BBS9: variants seen among roughly 807,000 people sequenced by gnomAD.
The protein encoded by BBS9 is protein PTHB1.
Under a neutral mutation model 117.7 loss-of-function variants are expected in BBS9, and 89 were observed. The ratio of observed to expected loss-of-function variants is 0.76; its 90% CI spans 0.64 to 0.90. The LOEUF (loss-of-function observed/expected upper bound fraction) is 0.90, where lower values mean the gene tolerates loss of function less well. BBS9 is among the 40% of genes least tolerant of loss of function. The pLI, the probability that BBS9 is intolerant of heterozygous loss-of-function variation, is 0.00. For synonymous variants in BBS9, 379 were observed against 370.9 expected, an observed-to-expected ratio of 1.02 and a Z score of -0.25; for missense variants, 982 against 1,042.2, an observed-to-expected ratio of 0.94 and a Z score of 0.80.
chr7:33,408,797 A>T (rs771984844), intron 19 of BBS9, among the ~76,000 whole-genome samples: 2 of 152,238 alleles, frequency 1.3e-5, no homozygotes, highest in Non-Finnish European at 2.9e-5. Flanking sequence ...ACTGCTCCCC[A>T]CAGTGGATGA....
intron 18 of BBS9, among the ~76,000 whole-genome samples, chr7:33,386,903 G>A (rs1022719170): frequency 2.0e-5 from 3 of 152,068 alleles, no homozygotes; most frequent in Non-Finnish European, 4.4e-5. Flanking sequence ...AGTGTTTGGT[G>A]TCCAGTTTCT....
intron 5 of BBS9, among the ~76,000 whole-genome samples, chr7:33,190,097 A>G (rs1783839683): frequency 6.7e-6 from 1 of 148,612 alleles, no homozygotes; most frequent in African/African-American, 2.5e-5. Flanking sequence ...TCTTGATTAT[A>G]GAGCTTTGTT....
chr7:33,199,115 C>T (rs769935396), intron 5 of BBS9, among the ~76,000 whole-genome samples: 43 of 151,856 alleles, frequency 2.8e-4, no homozygotes, highest in African/African-American at 3.9e-4. Context: ...TGAAAGATGG[C>T]GACAAATTCT....
chr7:33,501,209 C>CT (rs1845395083), intron 19 of BBS9, among the ~76,000 whole-genome samples: 1 of 152,158 alleles, frequency 6.6e-6, no homozygotes. Flanking sequence ...AGATCTGAAT[C>CT]TTGATGGGTG....
chr7:33,365,302 C>T (rs531544871), intron 16 of BBS9, among the ~76,000 whole-genome samples: 1 of 152,200 alleles, frequency 6.6e-6, no homozygotes, highest in South Asian at 2.1e-4. Flanking sequence ...TTTCCAACTT[C>T]GTGTGCTGAT....
At chr7:33,599,462 G>C (rs1430952085) in intron 21 of BBS9, among the ~76,000 whole-genome samples, 1 of 152,074 alleles carries the variant, frequency 6.6e-6, no homozygotes, top group South Asian at 2.1e-4. Flanking sequence ...TTTTTGGCTG[G>C]CTAATGATTG....
At chr7:33,410,142 A>G (rs1830848964) in intron 19 of BBS9, among the ~76,000 whole-genome samples, 2 of 152,222 alleles carry the variant, frequency 1.3e-5, no homozygotes, top group Admixed American at 6.5e-5. Context: ...GAACAGTAAC[A>G]TAATTGAAAT....
At chr7:33,493,925 A>G (rs1844369419) in intron 19 of BBS9, among the ~76,000 whole-genome samples, 2 of 152,190 alleles carry the variant, frequency 1.3e-5, no homozygotes, top group South Asian at 2.1e-4. Flanking sequence ...TATAATGCTG[A>G]CTATCAAACT....
chr7:33,259,912 A>T, intron 6 of BBS9, among the ~76,000 whole-genome samples: 2 of 148,514 alleles, frequency 1.3e-5, no homozygotes, highest in Non-Finnish European at 1.5e-5. Context: ...TTCTCTCTAA[A>T]CTTTGAAGGT....
At chr7:33,196,160 T>C (rs1205123445) in intron 5 of BBS9, among the ~76,000 whole-genome samples, 2 of 152,114 alleles carry the variant, frequency 1.3e-5, no homozygotes, top group African/African-American at 4.8e-5. Flanking sequence ...GAAGGATAAG[T>C]CAGTCACCTT....
chr7:33,197,741 A>G (rs576102718), intron 5 of BBS9, among the ~76,000 whole-genome samples: 1 of 152,078 alleles, frequency 6.6e-6, no homozygotes, highest in South Asian at 2.1e-4. Context: ...ATAATTATTT[A>G]TGTGGACAAT....
At chr7:33,528,793 C>T (rs6979835) in intron 20 of BBS9, among the ~76,000 whole-genome samples, 3,861 of 152,258 alleles carry the variant, frequency 0.025, 115 homozygotes, top group African/African-American at 0.072. Flanking sequence ...TCAGGAGCCT[C>T]GGGACAGCTA....
chr7:33,456,015 A>G (rs1838610789), intron 19 of BBS9, among the ~76,000 whole-genome samples: 1 of 152,210 alleles, frequency 6.6e-6, no homozygotes, highest in African/African-American at 2.4e-5. Flanking sequence ...ATTAGCTCTC[A>G]AAGCAGAGGC....
chr7:33,568,527 T>C (rs542037478), intron 21 of BBS9, among the ~76,000 whole-genome samples: 1 of 152,366 alleles, frequency 6.6e-6, no homozygotes, highest in South Asian at 2.1e-4. Context: ...GTGTTGTAAC[T>C]TGTTAGTAGT....
At position 33,555,004 on chromosome 7, in the gene BBS9, C is replaced by T. The variant is rs551351398; in HGVS notation, c.2521+20828C>T. Among the ~76,000 whole-genome samples the T allele has an allele frequency of 2.0e-4, 31 of 152,302 alleles. No individual in the cohort carries two copies. In the South Asian group the frequency reaches 5.8e-3, roughly 29 times the overall value. ...AGCAAGGTGAGGGCAGGGGTGGGAG[C>T]TTACATACTTCTACCTGAGATTCGT... On this transcript the variant is annotated intron_variant, in intron 21 of 22. Coordinates refer to ENST00000242067, the MANE Select transcript of BBS9 (RefSeq NM_198428.3).
At chr7:33,421,177 T>A (rs988957183) in intron 19 of BBS9, among the ~76,000 whole-genome samples, 6 of 150,124 alleles carry the variant, frequency 4.0e-5, no homozygotes, top group African/African-American at 1.5e-4. Flanking sequence ...TGAGGATTTT[T>A]AATTTTTTTT....
chr7:33,550,828 G>C (rs1854305554), intron 21 of BBS9, among the ~76,000 whole-genome samples: 1 of 152,024 alleles, frequency 6.6e-6, no homozygotes, highest in Non-Finnish European at 1.5e-5. Flanking sequence ...ATTCTAAAAA[G>C]TAAACACCTT....
At chr7:33,221,823 A>G (rs1790290406) in intron 5 of BBS9, among the ~76,000 whole-genome samples, 1 of 152,182 alleles carries the variant, frequency 6.6e-6, no homozygotes, top group Admixed American at 6.5e-5. Context: ...ACATTTTTAA[A>G]AAGTATTTCA....
At chr7:33,479,923 T>C (rs1188574022) in intron 19 of BBS9, among the ~76,000 whole-genome samples, 1 of 152,192 alleles carries the variant, frequency 6.6e-6, no homozygotes, top group Non-Finnish European at 1.5e-5. Flanking sequence ...GGTTGTTTGT[T>C]TTTTGCTTGT....
Sources: allele counts gnomAD v4.1 joint callset (sites outside exome capture counted in the v4.1 genomes callset), GRCh38; gene constraint gnomAD v4.1.1; transcripts MANE v1.5; gene names NCBI Gene and HGNC (gene_info 2026-07-23, HGNC 2026-07-21).